The following RAD51B variants were observed in gnomAD, a reference collection of about 807,000 sequenced individuals.
The protein encoded by RAD51B is DNA repair protein RAD51 homolog 2.
In RAD51B, 38 loss-of-function variants were observed where a neutral mutation model predicts 42.2. The observed-to-expected ratio is 0.90, with a 90% CI of 0.70 to 1.18. The LOEUF (loss-of-function observed/expected upper bound fraction) is 1.18, where lower values mean the gene tolerates loss of function less well. RAD51B is among the 50% of genes most tolerant of loss of function. RAD51B has a pLI of 0.00. For synonymous variants in RAD51B, 154 were observed against 145.2 expected, an observed-to-expected ratio of 1.06 and a Z score of -0.43; for missense variants, 373 against 400.7, an observed-to-expected ratio of 0.93 and a Z score of 0.59.
chr14:68,245,650 A>T (rs1409049953), intron 7 of RAD51B, among the ~76,000 whole-genome samples: 1 of 152,234 alleles, frequency 6.6e-6, no homozygotes, highest in Non-Finnish European at 1.5e-5. Context: ...ATGACTTTAG[A>T]CGCATATCCC....
chr14:67,861,904 C>T lies in RAD51B; in HGVS notation c.316-3099C>T, dbSNP rs973836518. Among the ~76,000 whole-genome samples the T allele has an allele frequency of 3.3e-5, 5 of 151,336 alleles. No homozygotes were observed. In the South Asian group the frequency reaches 8.3e-4, roughly 25 times the overall value. On this transcript the variant is annotated intron_variant, in intron 4 of 10. Coordinates refer to ENST00000471583, the MANE Select transcript of RAD51B (RefSeq NM_133510.4). ...TGTGTGTCTTATGAAAATTTATCTG[C>T]ACTCTTAAAAAATACTTGGAAAAAT...
At chr14:67,968,058 C>A (rs1790701854) in intron 7 of RAD51B, among the ~76,000 whole-genome samples, 1 of 152,238 alleles carries the variant, frequency 6.6e-6, no homozygotes, top group East Asian at 1.9e-4. Flanking sequence ...AGGCTCAACA[C>A]CACATCGAAG....
At chr14:68,078,779 C>T (rs545041479) in intron 7 of RAD51B, among the ~76,000 whole-genome samples, 2 of 152,192 alleles carry the variant, frequency 1.3e-5, no homozygotes, top group East Asian at 3.9e-4. Flanking sequence ...TGCTTGAGCC[C>T]AAGGGTTCCA....
At chr14:68,149,909 A>T (rs2078340426) in intron 7 of RAD51B, 2 of 152,034 alleles carry the variant, frequency 1.3e-5, no homozygotes, top group South Asian at 4.1e-4. Context: ...CATGCCTGTC[A>T]GATTACTGTA....
At chr14:68,519,363 T>G (rs980877036) in intron 10 of RAD51B, among the ~76,000 whole-genome samples, 6 of 152,234 alleles carry the variant, frequency 3.9e-5, no homozygotes, top group African/African-American at 1.4e-4. Context: ...AAATGCTTTT[T>G]AGCAAGTCCC....
At chr14:67,881,592 G>A (rs2042908299) in intron 5 of RAD51B, among the ~76,000 whole-genome samples, 1 of 152,130 alleles carries the variant, frequency 6.6e-6, no homozygotes, top group African/African-American at 2.4e-5. Flanking sequence ...TGTCTACCAG[G>A]CTCTGTTTAC....
chr14:68,056,742 C>T (rs569130776), intron 7 of RAD51B, among the ~76,000 whole-genome samples: 11 of 151,268 alleles, frequency 7.3e-5, no homozygotes, highest in African/African-American at 1.5e-4. Flanking sequence ...ACCAAGACTC[C>T]GTCTCAAAAA....
At chr14:67,900,315 G>T (rs1046253860) in intron 7 of RAD51B, among the ~76,000 whole-genome samples, 1 of 152,114 alleles carries the variant, frequency 6.6e-6, no homozygotes, top group African/African-American at 2.4e-5. Context: ...TGTAGCTTAA[G>T]TCTTGTAATA....
chr14:68,193,095 C>T (rs2079299778), intron 7 of RAD51B, among the ~76,000 whole-genome samples: 2 of 152,100 alleles, frequency 1.3e-5, no homozygotes, highest in Admixed American at 6.6e-5. Flanking sequence ...GTTGATCCCG[C>T]GTGACCCCTC....
intron 7 of RAD51B, among the ~76,000 whole-genome samples, chr14:68,096,083 T>C (rs2077190006): frequency 6.6e-6 from 1 of 151,750 alleles, no homozygotes; most frequent in Non-Finnish European, 1.5e-5. Flanking sequence ...AGTCTAACTC[T>C]AAAGCCCATC....
chr14:68,023,048 A>G (rs998361192), intron 7 of RAD51B, among the ~76,000 whole-genome samples: 2 of 152,102 alleles, frequency 1.3e-5, no homozygotes, highest in African/African-American at 4.8e-5. Flanking sequence ...TATCCAGTGC[A>G]TTGTTGATGG....
chr14:67,836,167 G>A (rs1175813168), intron 4 of RAD51B, among the ~76,000 whole-genome samples: 1 of 152,196 alleles, frequency 6.6e-6, no homozygotes, highest in African/African-American at 2.4e-5. Flanking sequence ...CATTGTTGGT[G>A]AGGGATGCAG....
chr14:67,977,934 C>T (rs1051684120), intron 7 of RAD51B, among the ~76,000 whole-genome samples: 1 of 152,222 alleles, frequency 6.6e-6, no homozygotes, highest in Non-Finnish European at 1.5e-5. Flanking sequence ...TTTCTACCAG[C>T]ATTCCCTTGT....
At chr14:68,149,632 A>T (rs568177048) in intron 7 of RAD51B, 9 of 152,386 alleles carry the variant, frequency 5.9e-5, no homozygotes, top group Admixed American at 2.0e-4. Flanking sequence ...ATGAGGTCCC[A>T]CTATGTGGCT....
chr14:68,625,604 C>T (rs1892059903), intron 10 of RAD51B, among the ~76,000 whole-genome samples: 1 of 152,220 alleles, frequency 6.6e-6, no homozygotes, highest in African/African-American at 2.4e-5. Flanking sequence ...TCCCGAGTAG[C>T]TGGGCCCACA....
Position 68,302,379 on chromosome 14 carries a change from G to A in RAD51B, c.853+10399G>A, listed in dbSNP as rs144517181. Among the ~76,000 whole-genome samples, 17 of 152,266 alleles carry A rather than the reference G, an allele frequency of 1.1e-4. No homozygotes were observed. The East Asian group carries it at 2.7e-3, about 24-fold the overall frequency. ...TAGGAGTCCTGGCTTGGGGATGGAG[G>A]CTCTCTAGGAACTTTACAACAAGGA... is the stretch of plus-strand genomic sequence containing the variant. On this transcript the variant is annotated intron_variant, in intron 8 of 10. Transcript: ENST00000471583.
chr14:67,855,324 G>A (rs1004989836), intron 4 of RAD51B, among the ~76,000 whole-genome samples: 8 of 151,770 alleles, frequency 5.3e-5, no homozygotes, highest in Non-Finnish European at 7.4e-5. Context: ...TCCGCCTCCC[G>A]GGTTCATGCC....
At chr14:68,128,706 T>TG (rs1003256366) in intron 7 of RAD51B, among the ~76,000 whole-genome samples, 10 of 151,774 alleles carry the variant, frequency 6.6e-5, no homozygotes, top group Admixed American at 3.9e-4. Context: ...AAAACGTGAG[T>TG]GGGGGGGCTT....
intron 9 of RAD51B, among the ~76,000 whole-genome samples, chr14:68,443,929 A>T (rs149380368): frequency 8.5e-5 from 13 of 152,234 alleles, no homozygotes; most frequent in Middle Eastern, 3.4e-3. Context: ...GAATTCATGG[A>T]TAAGAAATAG....
Sources: allele counts gnomAD v4.1 joint callset (sites outside exome capture counted in the v4.1 genomes callset), GRCh38; gene constraint gnomAD v4.1.1; transcripts MANE v1.5; gene names NCBI Gene and HGNC (gene_info 2026-07-23, HGNC 2026-07-21).